ATP5F1C: variants seen among roughly 807,000 people sequenced by gnomAD.
ATP5F1C encodes the protein ATP synthase F1 subunit gamma, also known as ATP synthase F(1) complex subunit gamma, mitochondrial.
A neutral mutation model predicts 37.4 loss-of-function variants in ATP5F1C; 22 were observed. That is an observed-to-expected ratio of 0.59 (90% CI 0.42 to 0.84). The LOEUF (loss-of-function observed/expected upper bound fraction) is 0.84. Among genes scored for constraint, ATP5F1C ranks in the 40% least tolerant of loss-of-function variants. The pLI, the probability that ATP5F1C is intolerant of heterozygous loss-of-function variation, is 0.00. For missense variants in ATP5F1C, 286 were observed against 362.4 expected, an observed-to-expected ratio of 0.79 and a Z score of 1.71; for synonymous variants, 121 against 128.0, an observed-to-expected ratio of 0.95 and a Z score of 0.37.
chr10:7,806,746 G>C (rs1329470016), intron 8 of ATP5F1C, among the ~76,000 whole-genome samples: 3 of 151,932 alleles, frequency 2.0e-5, no homozygotes, highest in Non-Finnish European at 4.4e-5. Flanking sequence ...ACTTGCATGA[G>C]CATGTTTTTA....
chr10:7,791,616 G>C (rs1006075792), intron 1 of ATP5F1C, among the ~76,000 whole-genome samples: 1 of 152,178 alleles, frequency 6.6e-6, no homozygotes, highest in Admixed American at 6.6e-5. Context: ...CGGTCCATTT[G>C]ATTCTCCCTC....
chr10:7,799,270 C>A, intron 4 of ATP5F1C, 76 bp downstream of exon 4: 2 of 1,345,944 alleles, frequency 1.5e-6, no homozygotes, highest in South Asian at 1.2e-5. Flanking sequence ...TTTTGACAAA[C>A]TCTCAAAACC....
In ATP5F1C at chr10:7,802,832, A is replaced by G; in HGVS notation, c.868A>G (p.Ile290Val). 6.2e-7 allele frequency: 1 copy of G among 1,613,892 alleles called. No individual in the cohort carries two copies. The highest frequency in any genetic ancestry group is 8.5e-7 in the Non-Finnish European group (1 of 1,179,932). ...QAVITKELIE[I>V]ISGAAALD ...TGTCATCACAAAAGAGTTGATTGAA[A>G]TTATCTCTGGTGCTGCAGCTCTGTG... Residue 290 changes from isoleucine to valine, a missense_variant, in exon 8 of 10, where the codon ATT becomes GTT. Coordinates refer to ENST00000356708, the MANE Select transcript of ATP5F1C (RefSeq NM_001001973.3).
intron 8 of ATP5F1C, among the ~76,000 whole-genome samples, chr10:7,803,589 C>T (rs979029430): frequency 6.6e-6 from 1 of 152,052 alleles, no homozygotes; most frequent in African/African-American, 2.4e-5. Context: ...CTATATACTG[C>T]TTTCCTCAAG....
At chr10:7,804,042 A>G in intron 8 of ATP5F1C, 1 of 517,174 alleles carries the variant, frequency 1.9e-6, no homozygotes, top group Non-Finnish European at 3.9e-6. Flanking sequence ...GCCTTCAGAG[A>G]GCTCAGTCTT....
At position 7,800,491 on chromosome 10, in the gene ATP5F1C, A is replaced by AT. The variant is rs137972460; in HGVS notation, c.637+407dup. Among the ~76,000 whole-genome samples the AT allele has an allele frequency of 1.9e-3, 212 of 113,444 alleles. 5 individuals carry two copies. The highest frequency in any genetic ancestry group is 5.0e-3 in the Middle Eastern group (1 of 200). 74.4% of individuals were successfully genotyped at this position (113,444 alleles called of 152,430 possible). On this transcript the variant is annotated intron_variant, in intron 6 of 9. Coordinates refer to ENST00000356708, the MANE Select transcript of ATP5F1C (RefSeq NM_001001973.3). ...ATTACAGGCATGAGCCCAGCCTTTT[A>AT]TTTTTTTATTTTTTATTTTTTGAGA...
chr10:7,800,686 C>T (rs866622068), intron 6 of ATP5F1C, among the ~76,000 whole-genome samples: 8 of 151,590 alleles, frequency 5.3e-5, no homozygotes, highest in South Asian at 2.1e-4. Context: ...GTAGAGACAG[C>T]ATTTCACCGT....
chr10:7,797,200 C>T, intron 3 of ATP5F1C, 22 bp downstream of exon 3: 1 of 1,608,530 alleles, frequency 6.2e-7, no homozygotes, highest in Non-Finnish European at 8.5e-7. Flanking sequence ...GTGTAATTCA[C>T]AAATTAGGAA....
At chr10:7,794,536 A>G (rs1836208842) in intron 1 of ATP5F1C, among the ~76,000 whole-genome samples, 1 of 149,120 alleles carries the variant, frequency 6.7e-6, no homozygotes, top group Non-Finnish European at 1.5e-5. Flanking sequence ...GAAGTTCTCT[A>G]TTCCTAGTTT....
intron 9 of ATP5F1C, 59 bp from the exon 10 acceptor site, chr10:7,807,600 C>A: frequency 6.4e-7 from 1 of 1,552,910 alleles, no homozygotes; most frequent in Non-Finnish European, 8.8e-7. Context: ...TATCTCTTGA[C>A]ATTATTTTCC....
intron 5 of ATP5F1C, 21 bp downstream of exon 5, chr10:7,799,936 A>C (rs1202499306): frequency 1.9e-6 from 3 of 1,606,742 alleles, no homozygotes; most frequent in African/African-American, 2.7e-5. Context: ...TTTAGAAATC[A>C]AAGCTTTTTT....
intron 6 of ATP5F1C, among the ~76,000 whole-genome samples, chr10:7,800,341 A>C (rs879500080): frequency 2.7e-5 from 4 of 149,124 alleles, no homozygotes; most frequent in African/African-American, 9.9e-5. Context: ...GACTACAGGC[A>C]CCCGCCACCA....
chr10:7,807,596 T>C (rs1439570531), intron 9 of ATP5F1C, 63 bp from the exon 10 acceptor site: 1 of 1,539,564 alleles, frequency 6.5e-7, no homozygotes, highest in East Asian at 2.3e-5. Flanking sequence ...TTATTATCTC[T>C]TGACATTATT....
At chr10:7,791,012 T>G (rs1227605818) in intron 1 of ATP5F1C, among the ~76,000 whole-genome samples, 1 of 152,112 alleles carries the variant, frequency 6.6e-6, no homozygotes, top group East Asian at 1.9e-4. Context: ...GAAAAGAAGA[T>G]GCAGTCGGGC....
chr10:7,792,926 A>G (rs776779827), intron 1 of ATP5F1C, among the ~76,000 whole-genome samples: 33 of 152,120 alleles, frequency 2.2e-4, no homozygotes, highest in Admixed American at 1.2e-3. Context: ...GCTGTGTACT[A>G]TTTTACATTC....
chr10:7,803,205 T>C (rs753415722), intron 8 of ATP5F1C, among the ~76,000 whole-genome samples: 9 of 152,220 alleles, frequency 5.9e-5, no homozygotes, highest in Non-Finnish European at 1.2e-4. Context: ...TACATAAATC[T>C]ATAAACCATT....
chr10:7,794,631 C>T lies in ATP5F1C; in HGVS notation c.57-1490C>T, dbSNP rs181478420. On this transcript the variant is annotated intron_variant, in intron 1 of 9. Transcript: ENST00000356708. ...TTGATTGTATGATTTTTTCTTTAAC[C>T]TGTTGACGTAATAGATTATATTATT... Among the ~76,000 whole-genome samples, 788 of 151,894 alleles carry T rather than the reference C, an allele frequency of 5.2e-3. 14 individuals carry two copies. Among genetic ancestry groups the T allele is most frequent in the African/African-American group, 0.018 (764 of 41,434 alleles).
At chr10:7,805,519 G>A (rs1836457623) in intron 8 of ATP5F1C, among the ~76,000 whole-genome samples, 2 of 152,164 alleles carry the variant, frequency 1.3e-5, no homozygotes, top group South Asian at 4.1e-4. Context: ...AGGCAGAGGT[G>A]GGCGGATCAC....
chr10:7,800,594 A>C (rs1836343833), intron 6 of ATP5F1C, among the ~76,000 whole-genome samples: 1 of 150,384 alleles, frequency 6.6e-6, no homozygotes, highest in Non-Finnish European at 1.5e-5. Context: ...TCCCGGGTTC[A>C]CGCCGTTCTC....
Sources: allele counts gnomAD v4.1 joint callset (sites outside exome capture counted in the v4.1 genomes callset), GRCh38; gene constraint gnomAD v4.1.1; transcripts MANE v1.5; gene names NCBI Gene and HGNC (gene_info 2026-07-23, HGNC 2026-07-21).